Variants in MTA3 observed in about 807,000 individuals in gnomAD.
MTA3 encodes the protein metastasis associated 1 family member 3.
MTA3 carries 34 observed loss-of-function variants against 83.5 expected under a neutral mutation model. That is an observed-to-expected ratio of 0.41 (90% CI 0.31 to 0.54). MTA3 has a LOEUF of 0.54. Among genes scored for constraint, MTA3 ranks in the 20% least tolerant of loss-of-function variants. MTA3 has a pLI of 0.33. For synonymous variants in MTA3, 303 were observed against 252.7 expected (o/e 1.20, Z -1.89); for missense variants, 761 against 726.4 (o/e 1.05, Z -0.55).
At chr2:42,584,928 C>G (rs941858051) in intron 3 of MTA3, among the ~76,000 whole-genome samples, 1 of 151,620 alleles carries the variant, frequency 6.6e-6, no homozygotes, top group South Asian at 2.1e-4. Flanking sequence ...AGTCCAGAAG[C>G]CATAAGATTT....
At chr2:42,503,750 C>G (rs1444320621) in intron 2 of MTA3, among the ~76,000 whole-genome samples, 1 of 152,134 alleles carries the variant, frequency 6.6e-6, no homozygotes, top group Non-Finnish European at 1.5e-5. Context: ...TAGTGTGTAC[C>G]TGTAGTCTCA....
At chr2:42,659,907 C>G in intron 8 of MTA3, 45 bp downstream of exon 8, 1 of 1,458,928 alleles carries the variant, frequency 6.9e-7, no homozygotes, top group Non-Finnish European at 9.3e-7. Context: ...CCTTCTGTTA[C>G]TTGTTTAATT....
chr2:42,508,375 A>G (rs930142926), intron 2 of MTA3, among the ~76,000 whole-genome samples: 2 of 152,098 alleles, frequency 1.3e-5, no homozygotes, highest in Non-Finnish European at 2.9e-5. Context: ...TTTGCCACCC[A>G]GGCTGGAGTG....
chr2:42,755,971 T>A lies in MTA3; in HGVS notation c.*2572T>A, dbSNP rs1490911234. The A allele has an allele frequency of 4.1e-6, 4 of 985,430 alleles. No homozygotes were observed. Among genetic ancestry groups the A allele is most frequent in the Non-Finnish European group, 4.8e-6 (4 of 830,008 alleles). 61.0% of individuals were successfully genotyped at this position (985,430 alleles called of 1,614,324 possible). On this transcript the variant is annotated 3_prime_UTR_variant, in exon 17 of 17. Coordinates refer to ENST00000405094, the MANE Select transcript of MTA3 (RefSeq NM_001330442.2). ...GTCGCCGGAAGGTTTCAGCCTGCCCTTCACAATTCCCCTTGTGCACAGCCC... is the reference window on the plus strand; with the variant it reads ...GTCGCCGGAAGGTTTCAGCCTGCCCATCACAATTCCCCTTGTGCACAGCCC...
At chr2:42,632,992 T>C (rs1389313684) in intron 4 of MTA3, among the ~76,000 whole-genome samples, 5 of 150,738 alleles carry the variant, frequency 3.3e-5, no homozygotes. Context: ...CAGTCGGGCA[T>C]GGTGGCTTAC....
At chr2:42,729,076 C>T (rs1015225938) in intron 16 of MTA3, among the ~76,000 whole-genome samples, 4 of 98,014 alleles carry the variant, frequency 4.1e-5, no homozygotes, top group Non-Finnish European at 8.3e-5. Flanking sequence ...TTATTAGTTT[C>T]ACAGTTTGAG....
intron 6 of MTA3, among the ~76,000 whole-genome samples, chr2:42,644,613 G>A (rs999455849): frequency 3.3e-5 from 5 of 152,026 alleles, no homozygotes; most frequent in African/African-American, 1.2e-4. Context: ...AAATTTGAAG[G>A]TTTGTGGCAA....
At chr2:42,703,647 T>A (rs1355597792) in intron 11 of MTA3, 1 of 152,340 alleles carries the variant, frequency 6.6e-6, no homozygotes, top group Non-Finnish European at 1.5e-5. Context: ...TTCCAGCACT[T>A]TGGGAGGCCG....
intron 9 of MTA3, among the ~76,000 whole-genome samples, chr2:42,695,461 C>T (rs1693297195): frequency 6.6e-6 from 1 of 151,504 alleles, no homozygotes; most frequent in Non-Finnish European, 1.5e-5. Context: ...ATGGTGAAAC[C>T]TTGTCTCTAC....
At chr2:42,691,003 A>G (rs1006818956) in intron 9 of MTA3, among the ~76,000 whole-genome samples, 5 of 151,932 alleles carry the variant, frequency 3.3e-5, no homozygotes, top group African/African-American at 1.2e-4. Flanking sequence ...CAGCCTCCCA[A>G]GTAGCTGGGA....
At chr2:42,605,895 T>C (rs1254469337) in intron 3 of MTA3, among the ~76,000 whole-genome samples, 26 of 98,746 alleles carry the variant, frequency 2.6e-4, no homozygotes, top group Non-Finnish European at 4.0e-4. Context: ...GAGGGGCTCC[T>C]CACTTCCCAG....
intron 2 of MTA3, among the ~76,000 whole-genome samples, chr2:42,553,946 A>C (rs1179560489): frequency 4.0e-5 from 6 of 149,794 alleles, no homozygotes; most frequent in Non-Finnish European, 7.4e-5. Context: ...ACAAAAAACT[A>C]GTTATCAGCG....
At chr2:42,628,772 CTTT>C (rs1362469763) in intron 4 of MTA3, among the ~76,000 whole-genome samples, 1 of 37,394 alleles carries the variant, frequency 2.7e-5, no homozygotes, top group Non-Finnish European at 5.7e-5. Flanking sequence ...CATTTCCACC[CTTT>C]TTTTTTTTTT....
At chr2:42,528,501 T>C (rs938947273) in intron 2 of MTA3, among the ~76,000 whole-genome samples, 51 of 152,224 alleles carry the variant, frequency 3.4e-4, no homozygotes, top group Non-Finnish European at 6.8e-4. Flanking sequence ...ATTACAGGCA[T>C]GAGCCACCGC....
chr2:42,704,514 C>T (rs1379035227), intron 12 of MTA3, among the ~76,000 whole-genome samples, 196 bp downstream of exon 12: 2 of 152,210 alleles, frequency 1.3e-5, no homozygotes, highest in Admixed American at 1.3e-4. Context: ...TTACGTACCA[C>T]ACACTCAAGT....
intron 2 of MTA3, among the ~76,000 whole-genome samples, chr2:42,539,963 G>T (rs13385534): frequency 6.6e-6 from 1 of 152,098 alleles, no homozygotes; most frequent in African/African-American, 2.4e-5. Context: ...TCCTGCTGTA[G>T]AATGGCTTCT....
chr2:42,594,728 A>T (rs201635064), intron 3 of MTA3, among the ~76,000 whole-genome samples: 1,336 of 24,106 alleles, frequency 0.055, 75 homozygotes, highest in African/African-American at 0.15. Flanking sequence ...ATATATATAT[A>T]TTTTTTTTTT....
At chr2:42,570,563 A>G in intron 2 of MTA3, 59 bp downstream of exon 2, 2 of 1,073,852 alleles carry the variant, frequency 1.9e-6, no homozygotes, top group Admixed American at 2.6e-5. Context: ...CTTGATGGGT[A>G]ATTGGGTAAA....
At chr2:42,689,245 A>C (rs1369825622) in intron 9 of MTA3, among the ~76,000 whole-genome samples, 13 of 152,186 alleles carry the variant, frequency 8.5e-5, no homozygotes, top group Non-Finnish European at 2.9e-5. Flanking sequence ...TATTTTGTTA[A>C]GGATGTTTGC....
Sources: gnomAD v4.1 joint callset for allele counts (sites outside exome capture counted in the v4.1 genomes callset) on GRCh38, gnomAD v4.1.1 for gene constraint, MANE v1.5 for transcripts, NCBI Gene and HGNC (gene_info 2026-07-23, HGNC 2026-07-21) for gene names.